Variants in NARS1 observed in about 807,000 individuals in gnomAD.
The protein encoded by NARS1 is asparagine--tRNA ligase, cytoplasmic.
In NARS1, 65 loss-of-function variants were observed where a neutral mutation model predicts 79.2. That is an observed-to-expected ratio of 0.82 (90% CI 0.67 to 1.01). The LOEUF is 1.01. NARS1 is among the 50% of genes least tolerant of loss of function. The pLI is 0.00. For synonymous variants in NARS1, 229 were observed against 238.8 expected (o/e 0.96, Z 0.38); for missense variants, 649 against 673.8 (o/e 0.96, Z 0.41).
intron 4 of NARS1, among the ~76,000 whole-genome samples, chr18:57,615,086 A>G (rs2122450003): frequency 6.6e-6 from 1 of 152,220 alleles, no homozygotes; most frequent in Non-Finnish European, 1.5e-5. Context: ...GAGGATCGTT[A>G]GAGCCCAGGA....
At chr18:57,608,415 C>A in intron 7 of NARS1, among the ~76,000 whole-genome samples, 1 of 95,466 alleles carries the variant, frequency 1.0e-5, no homozygotes. Context: ...CCAGCCTGCG[C>A]AACAAGAGCG....
At position 57,606,805 on chromosome 18, in the gene NARS1, T is replaced by C. The variant is rs557248216; in HGVS notation, c.1002-54A>G. The C allele has an allele frequency of 2.5e-6, 4 of 1,604,948 alleles. No homozygotes were observed. The African/African-American group carries it at 4.0e-5, about 16-fold the overall frequency. The stretch of plus-strand genomic sequence containing the variant: ...GCTTTTCTCCTGCACTGGTTTTTTA[T>C]CCAGCAAGGCTTTTAACATTGGGAA... On this transcript the variant is annotated intron_variant, in intron 9 of 13. Coordinates refer to ENST00000256854, the MANE Select transcript of NARS1 (RefSeq NM_004539.4).
intron 11 of NARS1, among the ~76,000 whole-genome samples, chr18:57,603,224 A>C (rs1361498376): frequency 6.6e-6 from 1 of 152,020 alleles, no homozygotes; most frequent in African/African-American, 2.4e-5. Flanking sequence ...AAAAAAAAAA[A>C]CAAAAACAAA....
chr18:57,613,576 A>C, intron 5 of NARS1, 26 bp downstream of exon 5: 1 of 1,584,736 alleles, frequency 6.3e-7, no homozygotes, highest in Non-Finnish European at 8.6e-7. Context: ...TAAACATTAA[A>C]AAGAAGGAAA....
At chr18:57,621,607 C>A in intron 1 of NARS1, 101 bp downstream of exon 1, 1 of 619,052 alleles carries the variant, frequency 1.6e-6, no homozygotes. Context: ...ATTCGCGGGG[C>A]GCCCACTCTG....
At chr18:57,609,797 T>C (rs1391369680) in intron 6 of NARS1, among the ~76,000 whole-genome samples, 1 of 152,204 alleles carries the variant, frequency 6.6e-6, no homozygotes, top group Non-Finnish European at 1.5e-5. Flanking sequence ...CAGTGGTTCA[T>C]GCCTGTAATC....
intron 7 of NARS1, among the ~76,000 whole-genome samples, chr18:57,608,104 G>A (rs1375720125): frequency 6.6e-6 from 1 of 151,918 alleles, no homozygotes; most frequent in East Asian, 2.0e-4. Context: ...CTGACCTCGT[G>A]ATCCGCCCGC....
At chr18:57,609,993 G>A (rs942363451) in intron 6 of NARS1, among the ~76,000 whole-genome samples, 16 of 152,142 alleles carry the variant, frequency 1.1e-4, no homozygotes, top group African/African-American at 3.4e-4. Flanking sequence ...GCTGCAATGA[G>A]CTATGATGAT....
chr18:57,606,355 T>A (rs55918910), intron 10 of NARS1, among the ~76,000 whole-genome samples: 519 of 1,020 alleles, frequency 0.51, 53 homozygotes, highest in South Asian at 0.75. Flanking sequence ...AAAAAAAAAA[T>A]ATATATATAT....
rs372608789 is a variant in NARS1, at chr18:57,616,235, T to C, written c.94-260A>G. Among the ~76,000 whole-genome samples, 6 of 151,622 alleles carry C rather than the reference T, an allele frequency of 4.0e-5. No individual in the cohort carries two copies. The East Asian group carries it at 5.9e-4, about 15-fold the overall frequency. On this transcript the variant is annotated intron_variant, in intron 2 of 13. Transcript: ENST00000256854. Reference sequence around the variant, plus strand: ...GAGATCGAGACCATCCTGGCTAACATGGTGAAACCCCGTCTCTACTAAAAA... The same window carrying C: ...GAGATCGAGACCATCCTGGCTAACACGGTGAAACCCCGTCTCTACTAAAAA...
intron 5 of NARS1, 85 bp downstream of exon 5, chr18:57,613,517 A>G (rs1402381756): frequency 3.2e-6 from 4 of 1,233,114 alleles, no homozygotes; most frequent in African/African-American, 1.5e-5. Flanking sequence ...AGAGAAAAAA[A>G]CCCCTGCAAA....
chr18:57,602,654 A>AC (rs1214787055), intron 12 of NARS1, 158 bp downstream of exon 12: 2 of 1,198,938 alleles, frequency 1.7e-6, no homozygotes, highest in African/African-American at 1.6e-5. Flanking sequence ...AAGCATGTCA[A>AC]CTTCAATCAG....
At chr18:57,608,534 T>C (rs1299500921) in intron 7 of NARS1, among the ~76,000 whole-genome samples, 1 of 151,796 alleles carries the variant, frequency 6.6e-6, no homozygotes, top group Non-Finnish European at 1.5e-5. Flanking sequence ...TTTATTTCCA[T>C]CTGGCTGAAA....
intron 2 of NARS1, 177 bp from the exon 3 acceptor site, chr18:57,616,152 C>T (rs1021354277): frequency 1.2e-5 from 7 of 588,808 alleles, no homozygotes; most frequent in East Asian, 3.2e-5. Flanking sequence ...GTTGGCTGGG[C>T]GCGGTGGCTC....
chr18:57,620,345 G>A (rs1908246636), intron 2 of NARS1, among the ~76,000 whole-genome samples: 1 of 152,056 alleles, frequency 6.6e-6, no homozygotes. Context: ...ATGCCATGTG[G>A]TAAGAAAGAA....
intron 4 of NARS1, among the ~76,000 whole-genome samples, chr18:57,615,409 G>A (rs8097246): frequency 0.024 from 3,680 of 152,130 alleles, 151 homozygotes; most frequent in African/African-American, 0.084. Flanking sequence ...GGCTGAGGCA[G>A]GAGAATGGCG....
At chr18:57,615,534 TA>T in intron 4 of NARS1, 106 bp downstream of exon 4, 2 of 747,372 alleles carry the variant, frequency 2.7e-6, no homozygotes, top group Non-Finnish European at 4.4e-6. Context: ...AAATGGAAAG[TA>T]AAAACAAAAT....
chr18:57,617,578 A>C (rs561881665), intron 2 of NARS1, among the ~76,000 whole-genome samples: 71 of 135,816 alleles, frequency 5.2e-4, no homozygotes, highest in African/African-American at 1.9e-3. Context: ...GTCTCAAAAA[A>C]AAAAAAAAAA....
intron 2 of NARS1, among the ~76,000 whole-genome samples, chr18:57,617,428 C>T (rs1402677363): frequency 6.7e-6 from 1 of 150,328 alleles, no homozygotes; most frequent in Non-Finnish European, 1.5e-5. Flanking sequence ...AAAAATTAGC[C>T]GGGTGTGGTG....
Sources: allele counts gnomAD v4.1 joint callset (sites outside exome capture counted in the v4.1 genomes callset), GRCh38; gene constraint gnomAD v4.1.1; transcripts MANE v1.5; gene names NCBI Gene and HGNC (gene_info 2026-07-23, HGNC 2026-07-21).